The following CLNK variants were observed in gnomAD, a reference collection of about 807,000 sequenced individuals.
The protein encoded by CLNK is cytokine-dependent hematopoietic cell linker.
A neutral mutation model predicts 68.6 loss-of-function variants in CLNK; 74 were observed. The observed-to-expected ratio is 1.08, with a 90% CI of 0.89 to 1.31. The LOEUF (loss-of-function observed/expected upper bound fraction) is 1.31, where lower values mean the gene tolerates loss of function less well. CLNK is among the 50% of genes most tolerant of loss of function. CLNK has a pLI of 0.00. For synonymous variants in CLNK, 198 were observed against 172.2 expected (o/e 1.15, Z -1.17); for missense variants, 553 against 515.3 (o/e 1.07, Z -0.71).
chr4:10,649,047 C>T (rs113680953), intron 2 of CLNK, among the ~76,000 whole-genome samples: 3 of 152,170 alleles, frequency 2.0e-5, no homozygotes, highest in Non-Finnish European at 4.4e-5. Context: ...AATTCATGCT[C>T]GTTGAAGGTG....
intron 7 of CLNK, among the ~76,000 whole-genome samples, chr4:10,560,912 T>C (rs567515762): frequency 1.3e-5 from 2 of 152,040 alleles, no homozygotes; most frequent in Non-Finnish European, 2.9e-5. Flanking sequence ...TCTTTTTTTT[T>C]CTGAGACAAG....
At chr4:10,550,225 G>A (rs1233073005) in intron 8 of CLNK, among the ~76,000 whole-genome samples, 5 of 152,204 alleles carry the variant, frequency 3.3e-5, no homozygotes. Context: ...CAGGCGCGGT[G>A]GCTCAAGCCT....
At chr4:10,555,183 A>AT (rs1206173651) in intron 8 of CLNK, among the ~76,000 whole-genome samples, 1 of 151,984 alleles carries the variant, frequency 6.6e-6, no homozygotes, top group African/African-American at 2.4e-5. Flanking sequence ...CTGGATATAC[A>AT]TGTTCACTAG....
intron 2 of CLNK, among the ~76,000 whole-genome samples, chr4:10,604,168 C>T (rs2531184): frequency 0.96 from 145,514 of 152,270 alleles, 69,675 homozygotes; most frequent in East Asian, 1. Flanking sequence ...TATATTTATT[C>T]TCTAGGGCCC....
chr4:10,572,407 C>A (rs925903338), intron 4 of CLNK, among the ~76,000 whole-genome samples: 1 of 152,170 alleles, frequency 6.6e-6, no homozygotes, highest in Non-Finnish European at 1.5e-5. Flanking sequence ...TGAAAGATTG[C>A]CTGGGGTCAT....
intron 2 of CLNK, among the ~76,000 whole-genome samples, chr4:10,624,064 C>T (rs1236528723): frequency 2.0e-5 from 3 of 152,192 alleles, no homozygotes. Flanking sequence ...GAAAAGAACA[C>T]TTTTCAGTTT....
chr4:10,658,328 G>C (rs1371674685), intron 2 of CLNK, among the ~76,000 whole-genome samples: 2 of 152,186 alleles, frequency 1.3e-5, no homozygotes, highest in Non-Finnish European at 2.9e-5. Context: ...AACAGCAAAG[G>C]CCCTTGCATG....
At chr4:10,733,854 A>T in the CLNK span, among the ~76,000 whole-genome samples, 1 of 152,246 alleles carries the variant, frequency 6.6e-6, no homozygotes, top group Non-Finnish European at 1.5e-5. Flanking sequence ...CAGAGAGTTG[A>T]CATTCCTGCA....
chr4:10,584,008 G>A (rs993128665), intron 4 of CLNK, among the ~76,000 whole-genome samples: 1 of 152,170 alleles, frequency 6.6e-6, no homozygotes, highest in African/African-American at 2.4e-5. Context: ...GTGGAGAGGT[G>A]CATTTGATAC....
intron 2 of CLNK, among the ~76,000 whole-genome samples, chr4:10,607,190 T>C (rs1019343670): frequency 3.9e-5 from 6 of 152,222 alleles, no homozygotes; most frequent in African/African-American, 1.4e-4. Context: ...TCTGTGCTGA[T>C]GGAGCTCACA....
At chr4:10,507,464 A>C (rs1319835625) in intron 17 of CLNK, among the ~76,000 whole-genome samples, 1 of 77,420 alleles carries the variant, frequency 1.3e-5, no homozygotes, top group African/African-American at 6.7e-5. Flanking sequence ...TTATTTATTT[A>C]TTTATTTATT....
chr4:10,681,938 G>A (rs1051196207), intron 1 of CLNK, among the ~76,000 whole-genome samples: 12 of 152,282 alleles, frequency 7.9e-5, no homozygotes, highest in East Asian at 5.8e-4. Flanking sequence ...AATGATGAGC[G>A]TTTCTTGTCT....
At chr4:10,693,094 C>A in the CLNK span, among the ~76,000 whole-genome samples, 1 of 152,280 alleles carries the variant, frequency 6.6e-6, no homozygotes, top group African/African-American at 2.4e-5. Context: ...ATTCGGGAAC[C>A]AGCTGGACTT....
intron 2 of CLNK, among the ~76,000 whole-genome samples, chr4:10,646,112 G>A (rs918745823): frequency 6.6e-6 from 1 of 152,164 alleles, no homozygotes; most frequent in Non-Finnish European, 1.5e-5. Context: ...GCAAGTTATG[G>A]AGGAATTTAA....
intron 2 of CLNK, among the ~76,000 whole-genome samples, chr4:10,616,910 A>G (rs1160471021): frequency 6.6e-6 from 1 of 151,434 alleles, no homozygotes; most frequent in African/African-American, 2.4e-5. Flanking sequence ...AAGCATTGCC[A>G]TTTATAATGT....
chr4:10,694,538 G>C, the CLNK span, among the ~76,000 whole-genome samples: 1 of 152,092 alleles, frequency 6.6e-6, no homozygotes, highest in Non-Finnish European at 1.5e-5. Flanking sequence ...ACCATATCCA[G>C]TGCAGTAACA....
intron 2 of CLNK, among the ~76,000 whole-genome samples, chr4:10,626,865 A>G (rs1364507438): frequency 6.6e-6 from 1 of 152,140 alleles, no homozygotes; most frequent in Non-Finnish European, 1.5e-5. Flanking sequence ...TCTGCCTTTC[A>G]CTACCTTTGT....
chr4:10,667,853 A>G lies in CLNK; in HGVS notation c.11+6T>C, dbSNP rs758037013. Reference sequence around the variant, plus strand: ...CTGGGGCTCACAGTGATCCCACGGTACTTACTGCCTGTTCATAGTTCTTGG... The same window carrying G: ...CTGGGGCTCACAGTGATCCCACGGTGCTTACTGCCTGTTCATAGTTCTTGG... On this transcript the variant is annotated splice_donor_region_variant and intron_variant, in intron 2 of 18. Transcript: ENST00000226951. 1.1e-5 allele frequency: 14 copies of G among 1,249,290 alleles called. No individual in the cohort carries two copies. The highest frequency in any genetic ancestry group is 1.5e-5 in the South Asian group (1 of 66,180). The allele number at this position is 1,249,290 out of a possible 1,614,324, so 77.4% of individuals were successfully genotyped here.
At chr4:10,695,589 C>A in the CLNK span, among the ~76,000 whole-genome samples, 1 of 152,196 alleles carries the variant, frequency 6.6e-6, no homozygotes, top group Non-Finnish European at 1.5e-5. Context: ...CCTCCCAGAT[C>A]TTATGATAAC....
Sources: gnomAD v4.1 joint callset for allele counts (sites outside exome capture counted in the v4.1 genomes callset) on GRCh38, gnomAD v4.1.1 for gene constraint, MANE v1.5 for transcripts, NCBI Gene and HGNC (gene_info 2026-07-23, HGNC 2026-07-21) for gene names.